The following SDK1 variants were observed in gnomAD, a reference collection of about 807,000 sequenced individuals.
The protein encoded by SDK1 is protein sidekick-1.
Under a neutral mutation model 245.5 loss-of-function variants are expected in SDK1, and 157 were observed. That is an observed-to-expected ratio of 0.64 (90% CI 0.56 to 0.73). SDK1 has a LOEUF of 0.73. SDK1 is among the 30% of genes least tolerant of loss of function. SDK1 has a pLI of 0.00. For synonymous variants in SDK1, 1,647 were observed against 1,278.5 expected, an observed-to-expected ratio of 1.29 and a Z score of -6.15; for missense variants, 3,583 against 3,002.3, an observed-to-expected ratio of 1.19 and a Z score of -4.52.
At chr7:3,405,183 C>CAAAAAA (rs3839714) in intron 1 of SDK1, among the ~76,000 whole-genome samples, 2 of 150,224 alleles carry the variant, frequency 1.3e-5, no homozygotes, top group African/African-American at 2.5e-5. Context: ...AAAACAAAAA[C>CAAAAAA]AAAAAACACT....
At chr7:3,886,414 A>C (rs1781340705) in intron 5 of SDK1, among the ~76,000 whole-genome samples, 1 of 152,242 alleles carries the variant, frequency 6.6e-6, no homozygotes, top group Admixed American at 6.5e-5. Flanking sequence ...CCATCGGGGT[A>C]TTTTTACTTT....
chr7:4,008,722 A>AT (rs1394374043), intron 14 of SDK1, among the ~76,000 whole-genome samples: 1 of 152,344 alleles, frequency 6.6e-6, no homozygotes, highest in East Asian at 1.9e-4. Context: ...AAGGAAAAAA[A>AT]GGGAAAGGGC....
chr7:4,159,159 C>T (rs1780960991), intron 31 of SDK1, among the ~76,000 whole-genome samples: 1 of 152,212 alleles, frequency 6.6e-6, no homozygotes, highest in Non-Finnish European at 1.5e-5. Flanking sequence ...CTTAGTTCAC[C>T]CAGCAGCGTT....
intron 10 of SDK1, 94 bp from the exon 11 acceptor site, chr7:3,969,163 C>T (rs896702129): frequency 3.4e-6 from 4 of 1,191,374 alleles, no homozygotes; most frequent in African/African-American, 3.1e-5. Context: ...GACACGGAGC[C>T]GAACCATATT....
At chr7:3,891,272 CG>C (rs1781451987) in intron 5 of SDK1, among the ~76,000 whole-genome samples, 3 of 152,166 alleles carry the variant, frequency 2.0e-5, no homozygotes, top group South Asian at 2.1e-4. Flanking sequence ...GTCGTGCTCC[CG>C]GGGAGGACTT....
chr7:3,499,599 T>G (rs1488442436), intron 1 of SDK1, among the ~76,000 whole-genome samples: 1 of 152,244 alleles, frequency 6.6e-6, no homozygotes, highest in African/African-American at 2.4e-5. Context: ...CATTGTTGTT[T>G]TGCATAAAGC....
chr7:3,518,401 T>C (rs1298893777), intron 1 of SDK1, among the ~76,000 whole-genome samples: 4 of 151,418 alleles, frequency 2.6e-5, no homozygotes, highest in Admixed American at 6.6e-5. Context: ...AAAGACAACC[T>C]ACAGAATGGG....
intron 32 of SDK1, 69 bp downstream of exon 32, chr7:4,161,925 C>G: frequency 7.3e-7 from 1 of 1,361,750 alleles, no homozygotes; most frequent in African/African-American, 1.4e-5. Context: ...TCAGCCACAA[C>G]GGCTGACATG....
chr7:3,333,311 G>T (rs972206713), intron 1 of SDK1, among the ~76,000 whole-genome samples: 1 of 152,136 alleles, frequency 6.6e-6, no homozygotes, highest in South Asian at 2.1e-4. Flanking sequence ...GGAGGTCACT[G>T]GTGTTTGGAA....
chr7:4,113,758 G>A (rs865873181), intron 24 of SDK1, among the ~76,000 whole-genome samples: 4 of 152,180 alleles, frequency 2.6e-5, no homozygotes, highest in African/African-American at 9.6e-5. Context: ...CTCAATATTT[G>A]TAAGAGAGCC....
At chr7:3,895,577 C>A (rs1049916833) in intron 5 of SDK1, among the ~76,000 whole-genome samples, 1 of 152,222 alleles carries the variant, frequency 6.6e-6, no homozygotes. Context: ...AGACAAGAAG[C>A]AACTCACGGA....
intron 4 of SDK1, among the ~76,000 whole-genome samples, chr7:3,670,325 CT>C (rs1783658704): frequency 6.6e-6 from 1 of 152,154 alleles, no homozygotes. Context: ...TCTTCCATCT[CT>C]TTCCCTCTGA....
intron 22 of SDK1, among the ~76,000 whole-genome samples, chr7:4,081,269 A>G (rs563857324): frequency 6.6e-6 from 1 of 152,290 alleles, no homozygotes; most frequent in African/African-American, 2.4e-5. Flanking sequence ...CGTTGCCCAG[A>G]ACTTGGGCAA....
intron 1 of SDK1, among the ~76,000 whole-genome samples, chr7:3,579,354 T>G (rs112174417): frequency 6.6e-6 from 1 of 152,216 alleles, no homozygotes; most frequent in African/African-American, 2.4e-5. Context: ...ATCCCTGGGA[T>G]GCAAGGTTGG....
chr7:3,516,352 A>G (rs1033937235), intron 1 of SDK1, among the ~76,000 whole-genome samples: 2 of 152,084 alleles, frequency 1.3e-5, no homozygotes, highest in African/African-American at 2.4e-5. Flanking sequence ...GCAGCTACCT[A>G]TGTCATACCA....
chr7:3,409,185 A>G (rs1032416897), intron 1 of SDK1, among the ~76,000 whole-genome samples: 1 of 152,146 alleles, frequency 6.6e-6, no homozygotes, highest in African/African-American at 2.4e-5. Flanking sequence ...TTGTTATTCA[A>G]TTTCATGTTG....
intron 4 of SDK1, among the ~76,000 whole-genome samples, chr7:3,687,778 C>A (rs185767597): frequency 6.6e-6 from 1 of 152,138 alleles, no homozygotes; most frequent in Non-Finnish European, 1.5e-5. Flanking sequence ...GAGGTCCTTG[C>A]GGTGATGGAA....
At chr7:4,010,432 T>G (rs1033035328) in intron 14 of SDK1, among the ~76,000 whole-genome samples, 4 of 152,146 alleles carry the variant, frequency 2.6e-5, no homozygotes, top group Admixed American at 2.6e-4. Flanking sequence ...TCATTACGCC[T>G]CTCTCCAGCC....
intron 4 of SDK1, among the ~76,000 whole-genome samples, chr7:3,781,074 C>G (rs879781423): frequency 6.6e-6 from 1 of 152,044 alleles, no homozygotes; most frequent in Non-Finnish European, 1.5e-5. Flanking sequence ...AAGCCCACCT[C>G]ATAGCTCCAC....
Sources: allele counts gnomAD v4.1 joint callset (sites outside exome capture counted in the v4.1 genomes callset), GRCh38; gene constraint gnomAD v4.1.1; transcripts MANE v1.5; gene names NCBI Gene and HGNC (gene_info 2026-07-23, HGNC 2026-07-21).